The following ABCA9 variants were observed in gnomAD, a reference collection of about 807,000 sequenced individuals.
ABCA9 encodes the protein ATP-binding cassette sub-family A member 9.
A neutral mutation model predicts 205.3 loss-of-function variants in ABCA9; 183 were observed. The ratio of observed to expected loss-of-function variants is 0.89; its 90% CI spans 0.79 to 1.01. The LOEUF (loss-of-function observed/expected upper bound fraction) is 1.01. ABCA9 is among the 50% of genes least tolerant of loss of function. The pLI, the probability that ABCA9 is intolerant of heterozygous loss-of-function variation, is 0.00. For synonymous variants in ABCA9, 651 were observed against 683.3 expected, an observed-to-expected ratio of 0.95 and a Z score of 0.74; for missense variants, 1,805 against 1,912.4, an observed-to-expected ratio of 0.94 and a Z score of 1.05.
rs1002592588 is a variant in ABCA9 at position 69,047,222 on chromosome 17, G to T, written c.305-1886C>A. ...TCCGCCCACCTCAGCCTCCCAAAGT[G>T]CTGGAATTACAGCACACTCAGCCTA... On this transcript the variant is annotated intron_variant, in intron 3 of 38. Coordinates refer to ENST00000340001, the MANE Select transcript of ABCA9 (RefSeq NM_080283.4). Among the ~76,000 whole-genome samples, 7 of 150,876 alleles carry T rather than the reference G, an allele frequency of 4.6e-5. No homozygotes were observed. The East Asian group carries it at 7.8e-4, about 17-fold the overall frequency.
At chr17:69,001,726 G>A (rs1338641470) in intron 25 of ABCA9, among the ~76,000 whole-genome samples, 15 of 149,284 alleles carry the variant, frequency 1.0e-4, no homozygotes, top group Admixed American at 8.6e-4. Flanking sequence ...GGTAGAATTC[G>A]GCTGTGAATC....
intron 8 of ABCA9, among the ~76,000 whole-genome samples, chr17:69,034,426 G>T (rs1351262648): frequency 6.6e-6 from 1 of 152,098 alleles, no homozygotes; most frequent in East Asian, 1.9e-4. Flanking sequence ...TCACCATGTT[G>T]CCCAGGGTGG....
intron 6 of ABCA9, among the ~76,000 whole-genome samples, chr17:69,037,656 C>T (rs1023883897): frequency 1.3e-5 from 2 of 151,970 alleles, no homozygotes; most frequent in Admixed American, 6.6e-5. Flanking sequence ...ATTAAAAGAA[C>T]TGGAGAAGCA....
At chr17:68,997,838 CTTG>C (rs901655139) in intron 25 of ABCA9, among the ~76,000 whole-genome samples, 5 of 152,094 alleles carry the variant, frequency 3.3e-5, no homozygotes, top group African/African-American at 1.2e-4. Flanking sequence ...AGAGCTTACT[CTTG>C]TTGTTGGACA....
At chr17:69,061,258 A>T, upstream of ABCA9, 1 of 656,638 alleles carries the variant, frequency 1.5e-6, no homozygotes, top group Non-Finnish European at 1.9e-6. Flanking sequence ...CAACACAATG[A>T]TTTAAACAAA....
In ABCA9 at chr17:68,995,898, A is replaced by G. The variant is rs1224750163; in HGVS notation, c.3552T>C (p.Ser1184=). ...FTLIGSLFIF[S]EISPDSMDYL... ...AGACAGAAGTGGAACTACTTACCTCAGAAAAAATGAATAGAGAGCCAATCA... is the reference window on the plus strand; with the variant it reads ...AGACAGAAGTGGAACTACTTACCTCGGAAAAAATGAATAGAGAGCCAATCA... Residue 1184 remains serine, a synonymous_variant, in exon 26 of 39, where the codon TCT becomes TCC. Coordinates refer to ENST00000340001, the MANE Select transcript of ABCA9 (RefSeq NM_080283.4). The G allele has an allele frequency of 1.2e-6, 2 of 1,613,680 alleles. No homozygotes were observed. Among genetic ancestry groups the G allele is most frequent in the East Asian group, 2.2e-5 (1 of 44,844 alleles).
intron 3 of ABCA9, among the ~76,000 whole-genome samples, chr17:69,047,537 G>T (rs1363064552): frequency 6.6e-6 from 1 of 151,912 alleles, no homozygotes; most frequent in Non-Finnish European, 1.5e-5. Context: ...GCCAGGCAGG[G>T]GCCCCAGAGA....
At chr17:69,035,901 G>T in intron 6 of ABCA9, 100 bp from the exon 7 acceptor site, 1 of 1,419,662 alleles carries the variant, frequency 7.0e-7, no homozygotes, top group South Asian at 1.6e-5. Flanking sequence ...CATTTATCAA[G>T]GGTAAAGGAA....
chr17:68,977,288 G>T (rs1359873801), intron 37 of ABCA9, among the ~76,000 whole-genome samples: 1 of 151,928 alleles, frequency 6.6e-6, no homozygotes, highest in South Asian at 2.1e-4. Context: ...ATAGATGAGG[G>T]GGGGAAAGAA....
intron 6 of ABCA9, among the ~76,000 whole-genome samples, chr17:69,041,253 T>G (rs1387049271): frequency 6.6e-6 from 1 of 152,136 alleles, no homozygotes; most frequent in African/African-American, 2.4e-5. Context: ...CTATATTCTA[T>G]AAACTCTCCT....
rs150490190 is a variant in ABCA9 at position 69,004,854 on chromosome 17, G to A, written c.3435+2905C>T. 483 of 154,862 alleles carry A rather than the reference G, an allele frequency of 3.1e-3. 2 individuals are homozygous for A. The highest frequency in any genetic ancestry group is 0.011 in the African/African-American group (443 of 41,608). The allele number at this position is 154,862 out of a possible 1,614,324, so 9.6% of individuals were successfully genotyped here. A position where few individuals can be genotyped will look rare whatever the true frequency, so the allele number is the denominator to read the frequency against. ...AGCCCGTCGGAAAAGTGCAGTATTC[G>A]GGTGGGAGTGACCCGATTTTCCCGA... On this transcript the variant is annotated intron_variant, in intron 25 of 38. Coordinates refer to ENST00000340001, the MANE Select transcript of ABCA9 (RefSeq NM_080283.4).
intron 1 of ABCA9, among the ~76,000 whole-genome samples, chr17:69,054,581 T>C (rs1305310810): frequency 6.7e-6 from 1 of 148,758 alleles, no homozygotes; most frequent in Non-Finnish European, 1.5e-5. Flanking sequence ...AGAAAAAGCA[T>C]GAGAGAAAGA....
chr17:68,988,274 C>A (rs1012868626), intron 31 of ABCA9, among the ~76,000 whole-genome samples: 3 of 152,150 alleles, frequency 2.0e-5, no homozygotes, highest in Non-Finnish European at 2.9e-5. Flanking sequence ...CCAAACTTGG[C>A]CTAGACATAC....
At chr17:69,049,869 G>A (rs1445302969) in intron 2 of ABCA9, among the ~76,000 whole-genome samples, 7 of 152,086 alleles carry the variant, frequency 4.6e-5, no homozygotes, top group African/African-American at 7.2e-5. Context: ...ATCAACAGGA[G>A]CAAGATCATA....
intron 25 of ABCA9, among the ~76,000 whole-genome samples, chr17:69,001,186 C>A (rs1050921720): frequency 4.6e-5 from 7 of 151,692 alleles, no homozygotes; most frequent in Non-Finnish European, 1.0e-4. Flanking sequence ...GAGGGCATCC[C>A]TGTCTTGTGC....
At chr17:68,997,731 C>T (rs530317777) in intron 25 of ABCA9, among the ~76,000 whole-genome samples, 60 of 152,052 alleles carry the variant, frequency 3.9e-4, no homozygotes, top group Admixed American at 2.3e-3. Context: ...GGCACAGCCT[C>T]CGCCATTATT....
At chr17:68,994,877 G>C (rs2144059752) in intron 26 of ABCA9, among the ~76,000 whole-genome samples, 1 of 152,162 alleles carries the variant, frequency 6.6e-6, no homozygotes. Flanking sequence ...TCTAACATCA[G>C]CATAGTATTT....
the ABCA9 span, among the ~76,000 whole-genome samples, chr17:69,075,540 A>G: frequency 1.3e-5 from 2 of 152,094 alleles, no homozygotes; most frequent in African/African-American, 4.8e-5. Flanking sequence ...TTGTCAAAGA[A>G]CAGATGGCTA....
chr17:68,992,898 T>TGCATGCATGTGCATGTTTG, intron 27 of ABCA9, 118 bp downstream of exon 27: 1 of 726,178 alleles, frequency 1.4e-6, no homozygotes, highest in Non-Finnish European at 2.3e-6. Flanking sequence ...CATGTGTGTG[T>TGCATGCATGTGCATGTTTG]TGCTTCAAAT....
Sources: gnomAD v4.1 joint callset for allele counts (sites outside exome capture counted in the v4.1 genomes callset) on GRCh38, gnomAD v4.1.1 for gene constraint, MANE v1.5 for transcripts, NCBI Gene and HGNC (gene_info 2026-07-23, HGNC 2026-07-21) for gene names.